The following COMMD1 variants were observed in gnomAD, a reference collection of about 807,000 sequenced individuals.
COMMD1 encodes copper metabolism domain containing 1.
A neutral mutation model predicts 17.2 loss-of-function variants in COMMD1; 10 were observed. That is an observed-to-expected ratio of 0.58 (90% CI 0.36 to 0.99). The LOEUF is 0.99. Ranked by LOEUF, COMMD1 falls within the 50% of genes least tolerant of loss-of-function variation. The pLI, the probability that COMMD1 is intolerant of heterozygous loss-of-function variation, is 0.01. For synonymous variants in COMMD1, 97 were observed against 91.6 expected, an observed-to-expected ratio of 1.06 and a Z score of -0.34; for missense variants, 270 against 231.8, an observed-to-expected ratio of 1.17 and a Z score of -1.07.
At chr2:62,135,680 G>A (rs1673175373) in intron 2 of COMMD1, 151 bp from the exon 3 acceptor site, 6 of 630,920 alleles carry the variant, frequency 9.5e-6, no homozygotes, top group Non-Finnish European at 1.8e-5. Flanking sequence ...GGCATTATGT[G>A]GATATGCTTT....
intron 1 of COMMD1, among the ~76,000 whole-genome samples, chr2:61,950,151 G>T (rs1671014555): frequency 6.6e-6 from 1 of 152,082 alleles, no homozygotes; most frequent in South Asian, 2.1e-4. Flanking sequence ...CTCTTAACAT[G>T]CTTACTCAGC....
At chr2:62,108,729 TA>T (rs1240469175) in intron 2 of COMMD1, among the ~76,000 whole-genome samples, 1 of 152,026 alleles carries the variant, frequency 6.6e-6, no homozygotes, top group Non-Finnish European at 1.5e-5. Context: ...TGCCTTCAGT[TA>T]AAAAAAATCA....
rs555005102 is a variant in COMMD1, at chr2:61,894,348, C to T, written n.119+5506C>T. Among the ~76,000 whole-genome samples, 39 of 151,806 alleles carry T rather than the reference C, an allele frequency of 2.6e-4. No individual in the cohort carries two copies. In the South Asian group the frequency reaches 6.2e-3, roughly 24 times the overall value. ...AACTCCTGGTCTCAAGTGATTCACC[C>T]GCCTTGGCCTCCCAAAGTGTTGGGA... On this transcript the variant is annotated intron_variant and non_coding_transcript_variant, in intron 1 of 2. Coordinates refer to the COMMD1 transcript ENST00000472729.
chr2:61,988,430 G>C (rs1672161952), intron 1 of COMMD1, among the ~76,000 whole-genome samples: 1 of 152,140 alleles, frequency 6.6e-6, no homozygotes, highest in Non-Finnish European at 1.5e-5. Flanking sequence ...TTCCCATCTG[G>C]CCCAGGGTTT....
At chr2:61,966,038 C>G (rs933352109) in intron 1 of COMMD1, among the ~76,000 whole-genome samples, 1 of 152,172 alleles carries the variant, frequency 6.6e-6, no homozygotes, top group Non-Finnish European at 1.5e-5. Context: ...TTCTATACAT[C>G]AGAGCTGTTC....
intron 2 of COMMD1, among the ~76,000 whole-genome samples, chr2:62,063,868 A>AATAAATATATATATATATATATAT (rs1553385536): frequency 1.2e-5 from 1 of 81,176 alleles, no homozygotes; most frequent in African/African-American, 4.9e-5. Flanking sequence ...GTCTCTACAA[A>AATAAATATATATATATATATATAT]ATATATATAT....
At chr2:61,931,109 C>CGA (rs1366472169) in intron 1 of COMMD1, among the ~76,000 whole-genome samples, 1 of 151,710 alleles carries the variant, frequency 6.6e-6, no homozygotes, top group Non-Finnish European at 1.5e-5. Context: ...GTTAGGAGTT[C>CGA]GAGACCAGCC....
At chr2:61,958,666 G>T (rs887444233) in intron 1 of COMMD1, among the ~76,000 whole-genome samples, 2 of 152,120 alleles carry the variant, frequency 1.3e-5, no homozygotes, top group Non-Finnish European at 2.9e-5. Flanking sequence ...TCTGGGAACA[G>T]ACCTTATTTT....
chr2:62,014,693 C>G (rs1312671438), intron 2 of COMMD1, among the ~76,000 whole-genome samples: 1 of 151,036 alleles, frequency 6.6e-6, no homozygotes, highest in Non-Finnish European at 1.5e-5. Context: ...TCCCGAGTAG[C>G]TGGGACTACA....
chr2:62,079,278 A>G (rs771756901), intron 2 of COMMD1, among the ~76,000 whole-genome samples: 3 of 152,164 alleles, frequency 2.0e-5, no homozygotes, highest in Admixed American at 2.0e-4. Flanking sequence ...GAAAGCATCC[A>G]CCCTGGGTAC....
intron 2 of COMMD1, among the ~76,000 whole-genome samples, chr2:62,078,841 C>T (rs1381596093): frequency 6.6e-6 from 1 of 150,680 alleles, no homozygotes; most frequent in Non-Finnish European, 1.5e-5. Context: ...TGCGCCACTG[C>T]ACTCCAGCCT....
At chr2:62,100,713 A>G (rs1243154414) in intron 2 of COMMD1, among the ~76,000 whole-genome samples, 4 of 152,180 alleles carry the variant, frequency 2.6e-5, no homozygotes, top group African/African-American at 9.7e-5. Flanking sequence ...GTTCTTTTGA[A>G]GTCTTATAGT....
chr2:61,963,047 C>A (rs1216671857), intron 1 of COMMD1, among the ~76,000 whole-genome samples: 1 of 151,540 alleles, frequency 6.6e-6, no homozygotes, highest in Admixed American at 6.6e-5. Flanking sequence ...ATAATCTCAG[C>A]TACTCGGGAG....
chr2:62,096,766 G>T (rs992354210), intron 2 of COMMD1, among the ~76,000 whole-genome samples: 1 of 152,240 alleles, frequency 6.6e-6, no homozygotes, highest in African/African-American at 2.4e-5. Context: ...AGGCAAAATT[G>T]TAATTTATCT....
chr2:62,116,735 C>T (rs1451329371), intron 2 of COMMD1, among the ~76,000 whole-genome samples: 2 of 149,858 alleles, frequency 1.3e-5, no homozygotes, highest in African/African-American at 2.5e-5. Context: ...CCTGTAAATC[C>T]CAGCACTTTG....
At chr2:61,970,262 CAAAAA>C (rs112830731) in intron 1 of COMMD1, among the ~76,000 whole-genome samples, 1 of 81,100 alleles carries the variant, frequency 1.2e-5, no homozygotes. Context: ...AACTCCACCT[CAAAAA>C]AAAAAAAAAA....
At chr2:62,068,688 G>A (rs1303807062) in intron 2 of COMMD1, among the ~76,000 whole-genome samples, 2 of 145,902 alleles carry the variant, frequency 1.4e-5, no homozygotes, top group Non-Finnish European at 3.0e-5. Flanking sequence ...GCAGTGGCGC[G>A]ATCTCGGCTC....
chr2:61,963,844 A>G (rs1340815845), intron 1 of COMMD1, among the ~76,000 whole-genome samples: 1 of 152,180 alleles, frequency 6.6e-6, no homozygotes, highest in African/African-American at 2.4e-5. Context: ...GTAGAATTGC[A>G]CTTTACCTAC....
chr2:61,944,929 A>G (rs550623175), intron 1 of COMMD1, among the ~76,000 whole-genome samples: 3 of 152,144 alleles, frequency 2.0e-5, no homozygotes, highest in African/African-American at 4.8e-5. Context: ...AACCACGTGC[A>G]TGGTTTTGTT....
Sources: gnomAD v4.1 joint callset for allele counts (sites outside exome capture counted in the v4.1 genomes callset) on GRCh38, gnomAD v4.1.1 for gene constraint, MANE v1.5 for transcripts, NCBI Gene and HGNC (gene_info 2026-07-23, HGNC 2026-07-21) for gene names.